HIP1: variants seen among roughly 807,000 people sequenced by gnomAD.
The protein encoded by HIP1 is huntingtin interacting protein 1.
In HIP1, 65 loss-of-function variants were observed where a neutral mutation model predicts 147.6. The ratio of observed to expected loss-of-function variants is 0.44; its 90% CI spans 0.36 to 0.54. The LOEUF is 0.54. Among genes scored for constraint, HIP1 ranks in the 20% least tolerant of loss-of-function variants. HIP1 has a pLI of 0.00. For missense variants in HIP1, 1,061 were observed against 1,299.6 expected, an observed-to-expected ratio of 0.82 and a Z score of 2.82; for synonymous variants, 479 against 504.0, an observed-to-expected ratio of 0.95 and a Z score of 0.67.
intron 7 of HIP1, among the ~76,000 whole-genome samples, chr7:75,579,244 T>G (rs1795953027): frequency 6.6e-6 from 1 of 152,224 alleles, no homozygotes; most frequent in Non-Finnish European, 1.5e-5. Context: ...TATAACACCC[T>G]GCTCAAATAG....
intron 1 of HIP1, among the ~76,000 whole-genome samples, chr7:75,639,939 A>G (rs1554510251): frequency 6.6e-6 from 1 of 152,184 alleles, no homozygotes; most frequent in African/African-American, 2.4e-5. Context: ...AGCCACAGCC[A>G]GCCCTTCCTG....
chr7:75,645,351 C>T (rs550339825), intron 1 of HIP1, among the ~76,000 whole-genome samples: 7 of 152,004 alleles, frequency 4.6e-5, no homozygotes, highest in African/African-American at 7.2e-5. Context: ...CTCAGCCTCC[C>T]GAGTAGCTGG....
intron 1 of HIP1, among the ~76,000 whole-genome samples, chr7:75,624,046 A>T (rs1199841535): frequency 6.6e-6 from 1 of 152,132 alleles, no homozygotes; most frequent in Non-Finnish European, 1.5e-5. Context: ...GTGCCACTGC[A>T]CTCCGGCCTG....
chr7:75,618,984 G>T (rs1239995156), intron 1 of HIP1, among the ~76,000 whole-genome samples: 6 of 151,912 alleles, frequency 3.9e-5, no homozygotes, highest in Non-Finnish European at 2.9e-5. Context: ...CCCACCTTTT[G>T]TTCTATTTCT....
rs146672365 is a variant in HIP1 at position 75,536,474 on chromosome 7, C to T, written c.*1698G>A. On this transcript the variant is annotated 3_prime_UTR_variant, in exon 31 of 31. Transcript: ENST00000336926. ...CCTGGGAAGTGCTTGATGGCTACCA[C>T]CAATGAGTTGCTATAGATAAAGAAG... 9.0e-3 allele frequency: 2,079 copies of T among 229,754 alleles called. 14 individuals are homozygous for T. Among genetic ancestry groups the T allele is most frequent in the Admixed American group, 0.015 (258 of 17,624 alleles). 14.2% of individuals were successfully genotyped at this position (229,754 alleles called of 1,614,324 possible).
At chr7:75,693,562 G>A (rs907712567) in intron 1 of HIP1, among the ~76,000 whole-genome samples, 2 of 152,040 alleles carry the variant, frequency 1.3e-5, no homozygotes, top group Non-Finnish European at 2.9e-5. Flanking sequence ...TTGTTTAGCT[G>A]GGTATGAAAT....
At chr7:75,571,610 T>C (rs1001524843) in intron 8 of HIP1, among the ~76,000 whole-genome samples, 3 of 152,184 alleles carry the variant, frequency 2.0e-5, no homozygotes, top group Non-Finnish European at 4.4e-5. Context: ...TTAGGCACGG[T>C]CTCGTTCTGT....
At position 75,693,919 on chromosome 7, in the gene HIP1, C is replaced by CTTTTT. The variant is rs10628011; in HGVS notation, c.120+44877_120+44881dup. Among the ~76,000 whole-genome samples the CTTTTT allele has an allele frequency of 8.1e-3, 935 of 114,760 alleles. 44 individuals are homozygous for CTTTTT. The highest frequency in any genetic ancestry group is 0.014 in the Admixed American group (132 of 9,264). The allele number at this position is 114,760 out of a possible 152,430, so 75.3% of individuals were successfully genotyped here. On this transcript the variant is annotated intron_variant, in intron 1 of 30. Transcript: ENST00000336926. ...GTTCAGAACTATCCAATTCTCTTTT[C>CTTTTT]TTTTTTTTTTTTTTTTTTGAGATGG...
chr7:75,582,376 C>T (rs1363109559), intron 5 of HIP1, among the ~76,000 whole-genome samples: 2 of 152,080 alleles, frequency 1.3e-5, no homozygotes, highest in Admixed American at 6.6e-5. Flanking sequence ...AAAGAAAAAT[C>T]GCTGGTATCA....
chr7:75,609,554 C>CT (rs112474718), intron 1 of HIP1, among the ~76,000 whole-genome samples: 154 of 150,382 alleles, frequency 1.0e-3, no homozygotes, highest in African/African-American at 3.2e-3. Flanking sequence ...GTACCGTTTT[C>CT]TTTTTTTTTC....
chr7:75,602,617 C>T (rs1554503205), intron 1 of HIP1, among the ~76,000 whole-genome samples: 2 of 150,798 alleles, frequency 1.3e-5, no homozygotes, highest in African/African-American at 4.9e-5. Context: ...ATTCTCTCAC[C>T]TCAGCCTCCC....
intron 8 of HIP1, among the ~76,000 whole-genome samples, chr7:75,570,755 C>G (rs1489019271): frequency 6.6e-6 from 1 of 151,780 alleles, no homozygotes; most frequent in African/African-American, 2.4e-5. Flanking sequence ...AATTGCAATC[C>G]CAGCACTTTG....
At position 75,697,799 on chromosome 7, in the gene HIP1, G is replaced by A. The variant is rs759474734; in HGVS notation, c.120+41002C>T. ...TACACTCCAACCTGGGCGACAGAGC[G>A]AGACTCCGTCTCAAAAACAAAAAAC... On this transcript the variant is annotated intron_variant, in intron 1 of 30. Transcript: ENST00000336926. Among the ~76,000 whole-genome samples the A allele has an allele frequency of 5.0e-4, 76 of 152,258 alleles. 1 individual carries two copies. Among genetic ancestry groups the A allele is most frequent in the Non-Finnish European group, 8.8e-4 (60 of 68,026 alleles).
intron 1 of HIP1, chr7:75,638,922 G>A (rs1300887520): frequency 1.9e-5 from 5 of 259,088 alleles, no homozygotes; most frequent in South Asian, 1.4e-4. Flanking sequence ...CTGGAGTTGG[G>A]GCCAACAGGC....
intron 7 of HIP1, among the ~76,000 whole-genome samples, chr7:75,575,226 C>T (rs587734970): frequency 2.6e-5 from 4 of 151,814 alleles, no homozygotes; most frequent in African/African-American, 7.2e-5. Context: ...TTTGGGAGGC[C>T]GAGGCGGGTG....
At chr7:75,546,713 TC>T (rs1554491078) in intron 25 of HIP1, among the ~76,000 whole-genome samples, 1 of 152,210 alleles carries the variant, frequency 6.6e-6, no homozygotes, top group African/African-American at 2.4e-5. Flanking sequence ...TCCAACAATG[TC>T]TGCCTGTGCG....
intron 1 of HIP1, among the ~76,000 whole-genome samples, chr7:75,693,431 A>G (rs1485563726): frequency 2.0e-5 from 3 of 152,126 alleles, no homozygotes; most frequent in Non-Finnish European, 2.9e-5. Context: ...TCTGGCTGTC[A>G]TCTTCTCTTC....
intron 1 of HIP1, among the ~76,000 whole-genome samples, chr7:75,615,087 A>C (rs1294110108): frequency 6.6e-6 from 1 of 151,710 alleles, no homozygotes; most frequent in Non-Finnish European, 1.5e-5. Flanking sequence ...AACTGATTTT[A>C]CTGAATACCT....
At chr7:75,698,610 G>A (rs191586606) in intron 1 of HIP1, among the ~76,000 whole-genome samples, 1 of 152,096 alleles carries the variant, frequency 6.6e-6, no homozygotes, top group African/African-American at 2.4e-5. Flanking sequence ...TTGAGGCCAA[G>A]AGTTGGAGGC....
Sources: gnomAD v4.1 joint callset for allele counts (sites outside exome capture counted in the v4.1 genomes callset) on GRCh38, gnomAD v4.1.1 for gene constraint, MANE v1.5 for transcripts, NCBI Gene and HGNC (gene_info 2026-07-23, HGNC 2026-07-21) for gene names.